R3HDM1: variants seen among roughly 807,000 people sequenced by gnomAD.
The protein encoded by R3HDM1 is R3H domain-containing protein 1.
R3HDM1 carries 46 observed loss-of-function variants against 141.1 expected under a neutral mutation model. The ratio of observed to expected loss-of-function variants is 0.33; its 90% CI spans 0.26 to 0.42. The LOEUF (loss-of-function observed/expected upper bound fraction) is 0.42, where lower values mean the gene tolerates loss of function less well. Ranked by LOEUF, R3HDM1 falls within the 10% of genes least tolerant of loss-of-function variation. R3HDM1 has a pLI of 1.00. For missense variants in R3HDM1, 1,184 were observed against 1,368.3 expected (o/e 0.87, Z 2.12); for synonymous variants, 435 against 472.9 (o/e 0.92, Z 1.04).
At position 135,724,028 on chromosome 2, in the gene R3HDM1, C is replaced by T. The variant is rs768007144; in HGVS notation, c.3141C>T (p.Gly1047=). The T allele has an allele frequency of 4.2e-5, 68 of 1,613,860 alleles. No homozygotes were observed. The highest frequency in any genetic ancestry group is 2.9e-4 in the African/African-American group (22 of 74,872). Residue 1047 remains glycine, a synonymous_variant, in exon 27 of 27, where the codon GGC becomes GGT. Coordinates refer to ENST00000683871, the MANE Select transcript of R3HDM1 (RefSeq NM_001378107.1). ...EKLFGELFKI[G]AKIRWLRDPQ... Reference sequence around the variant, plus strand: ...TTTTTGGGGAACTCTTTAAAATTGGCGCCAAGATCCGGTGGCTCCGGGACC... The same window carrying T: ...TTTTTGGGGAACTCTTTAAAATTGGTGCCAAGATCCGGTGGCTCCGGGACC...
At chr2:135,617,919 A>C in intron 5 of R3HDM1, among the ~76,000 whole-genome samples, 1 of 152,220 alleles carries the variant, frequency 6.6e-6, no homozygotes, top group East Asian at 1.9e-4. Flanking sequence ...ACATTTGGTG[A>C]TTCAAACTAA....
intron 1 of R3HDM1, chr2:135,543,253 C>T (rs910363256): frequency 2.0e-5 from 5 of 244,420 alleles, no homozygotes; most frequent in Non-Finnish European, 3.3e-5. Flanking sequence ...ATTGTCTTGG[C>T]ACTGTAGTTG....
At chr2:135,721,552 C>T (rs114358111) in intron 24 of R3HDM1, 3,977 of 183,420 alleles carry the variant, frequency 0.022, 59 homozygotes, top group African/African-American at 0.036. Flanking sequence ...TTATTTTGAA[C>T]AATTAGAAAA....
chr2:135,693,193 T>C (rs1184079220), intron 21 of R3HDM1, among the ~76,000 whole-genome samples: 2 of 152,212 alleles, frequency 1.3e-5, no homozygotes, highest in Non-Finnish European at 2.9e-5. Flanking sequence ...AGATAACATT[T>C]TACTTAATTG....
At chr2:135,623,068 C>G in intron 7 of R3HDM1, 3 of 971,072 alleles carry the variant, frequency 3.1e-6, no homozygotes, top group Non-Finnish European at 3.7e-6. Context: ...CAAATAAGAA[C>G]TTAGTGTATT....
At chr2:135,571,516 A>G (rs1204567466) in intron 1 of R3HDM1, among the ~76,000 whole-genome samples, 2 of 151,844 alleles carry the variant, frequency 1.3e-5, no homozygotes, top group African/African-American at 4.8e-5. Context: ...AGTAGAGACC[A>G]GGTTTCACCA....
At chr2:135,561,443 G>T in intron 1 of R3HDM1, 1 of 719,354 alleles carries the variant, frequency 1.4e-6, no homozygotes, top group Non-Finnish European at 1.7e-6. Flanking sequence ...TTGGTGGGAC[G>T]TGGTGGCTCA....
intron 1 of R3HDM1, among the ~76,000 whole-genome samples, chr2:135,594,974 T>A (rs1415715348): frequency 7.0e-6 from 1 of 141,892 alleles, no homozygotes; most frequent in African/African-American, 2.8e-5. Flanking sequence ...CTAGGGATTC[T>A]ACACCCCCCC....
At chr2:135,723,696 G>T (rs1209057955) in intron 26 of R3HDM1, among the ~76,000 whole-genome samples, 1 of 140,472 alleles carries the variant, frequency 7.1e-6, no homozygotes, top group Non-Finnish European at 1.5e-5. Flanking sequence ...AGAATCGCTT[G>T]AACCTGGGAG....
intron 1 of R3HDM1, among the ~76,000 whole-genome samples, chr2:135,540,892 A>G (rs1351367156): frequency 1.3e-5 from 2 of 152,232 alleles, no homozygotes; most frequent in Non-Finnish European, 2.9e-5. Flanking sequence ...GCTGAAAAAT[A>G]CATGTGTTAG....
chr2:135,599,748 A>G (rs945488814), intron 1 of R3HDM1, among the ~76,000 whole-genome samples: 1 of 152,154 alleles, frequency 6.6e-6, no homozygotes, highest in Non-Finnish European at 1.5e-5. Context: ...AAACAAGTTC[A>G]TTAGCTGGGC....
At chr2:135,537,608 C>CTTATT (rs60815896) in intron 1 of R3HDM1, among the ~76,000 whole-genome samples, 10,774 of 107,314 alleles carry the variant, frequency 0.1, 1,702 homozygotes, top group East Asian at 0.49. Flanking sequence ...TTAGTGAGCC[C>CTTATT]TTATTTTATT....
At chr2:135,697,726 A>G (rs11897997) in intron 21 of R3HDM1, among the ~76,000 whole-genome samples, 10,944 of 152,178 alleles carry the variant, frequency 0.072, 807 homozygotes, top group African/African-American at 0.19. Context: ...TGGGATACAT[A>G]TATATGTGGT....
intron 21 of R3HDM1, among the ~76,000 whole-genome samples, chr2:135,708,686 G>A (rs1465771062): frequency 2.0e-5 from 3 of 152,128 alleles, no homozygotes; most frequent in African/African-American, 4.8e-5. Context: ...CAGGCCAGGT[G>A]CAGTGGCTCA....
chr2:135,639,560 T>G (rs1220820209), intron 14 of R3HDM1, among the ~76,000 whole-genome samples: 1 of 152,154 alleles, frequency 6.6e-6, no homozygotes, highest in Non-Finnish European at 1.5e-5. Flanking sequence ...CATTTTCCAT[T>G]AAAAAAATTA....
At chr2:135,584,285 G>T (rs980871123) in intron 1 of R3HDM1, 1 of 671,734 alleles carries the variant, frequency 1.5e-6, no homozygotes, top group Non-Finnish European at 1.8e-6. Flanking sequence ...CCGAGATTGT[G>T]CCACTGCTCT....
chr2:135,611,628 T>G (rs1244952419), intron 3 of R3HDM1, among the ~76,000 whole-genome samples: 1 of 152,212 alleles, frequency 6.6e-6, no homozygotes, highest in Non-Finnish European at 1.5e-5. Flanking sequence ...TTAATTCTAT[T>G]AAGTTCTGTA....
intron 7 of R3HDM1, among the ~76,000 whole-genome samples, chr2:135,626,209 G>GTGCGTGCTTGCTTGCTTGCTTGCT (rs1553576639): frequency 1.3e-4 from 19 of 143,440 alleles, no homozygotes; most frequent in South Asian, 1.3e-3. Flanking sequence ...GCGTGCGTGC[G>GTGCGTGCTTGCTTGCTTGCTTGCT]TGCTTGCTTG....
intron 7 of R3HDM1, among the ~76,000 whole-genome samples, chr2:135,629,647 A>G (rs2062435364): frequency 1.3e-5 from 2 of 152,248 alleles, no homozygotes. Context: ...CAGCATGTTC[A>G]AAGTACCTGA....
Sources: gnomAD v4.1 joint callset for allele counts (sites outside exome capture counted in the v4.1 genomes callset) on GRCh38, gnomAD v4.1.1 for gene constraint, MANE v1.5 for transcripts, NCBI Gene and HGNC (gene_info 2026-07-23, HGNC 2026-07-21) for gene names.